ADGRA3: variants seen among roughly 807,000 people sequenced by gnomAD.
The protein encoded by ADGRA3 is G-protein coupled receptor 125.
Under a neutral mutation model 119.8 loss-of-function variants are expected in ADGRA3, and 56 were observed. The observed-to-expected ratio is 0.47, with a 90% CI of 0.38 to 0.58. The LOEUF is 0.58. Ranked by LOEUF, ADGRA3 falls within the 20% of genes least tolerant of loss-of-function variation. The pLI, the probability that ADGRA3 is intolerant of heterozygous loss-of-function variation, is 0.00. For synonymous variants in ADGRA3, 607 were observed against 623.8 expected (o/e 0.97, Z 0.40); for missense variants, 1,516 against 1,649.0 (o/e 0.92, Z 1.40).
chr4:22,446,155 G>A (rs1560321387), intron 5 of ADGRA3, among the ~76,000 whole-genome samples: 2 of 151,940 alleles, frequency 1.3e-5, no homozygotes, highest in Admixed American at 1.3e-4. Flanking sequence ...CAGTAGTTTT[G>A]GCAAAAAAGA....
At chr4:22,413,936 T>C (rs558400735) in intron 12 of ADGRA3, 122 bp from the exon 13 acceptor site, 55 of 621,788 alleles carry the variant, frequency 8.8e-5, no homozygotes, top group African/African-American at 6.9e-4. Context: ...AAATTGGATA[T>C]ACAAAATTTA....
chr4:22,490,464 T>G (rs907264454), intron 1 of ADGRA3, among the ~76,000 whole-genome samples: 6 of 152,210 alleles, frequency 3.9e-5, no homozygotes, highest in Non-Finnish European at 7.3e-5. Flanking sequence ...TCTGAGTCTC[T>G]GATTTTTTTT....
At chr4:22,472,230 T>C (rs1480961780) in intron 2 of ADGRA3, among the ~76,000 whole-genome samples, 1 of 152,176 alleles carries the variant, frequency 6.6e-6, no homozygotes, top group African/African-American at 2.4e-5. Context: ...CCCAGTAACT[T>C]TTCTTTGCAG....
chr4:22,498,523 G>A (rs1443684336), intron 1 of ADGRA3, among the ~76,000 whole-genome samples: 1 of 151,826 alleles, frequency 6.6e-6, no homozygotes, highest in East Asian at 1.9e-4. Context: ...GAAGCTGAGG[G>A]AGAAGAATCA....
chr4:22,451,978 T>C (rs887736231), intron 4 of ADGRA3, among the ~76,000 whole-genome samples: 3 of 152,208 alleles, frequency 2.0e-5, no homozygotes, highest in Admixed American at 6.5e-5. Context: ...AACTGGCATA[T>C]GGCCTGGCTC....
intron 2 of ADGRA3, among the ~76,000 whole-genome samples, chr4:22,463,721 A>G (rs1218208070): frequency 1.3e-5 from 2 of 152,246 alleles, no homozygotes; most frequent in African/African-American, 4.8e-5. Flanking sequence ...AAGTTACAAC[A>G]TCAAAGTTGG....
intron 2 of ADGRA3, among the ~76,000 whole-genome samples, chr4:22,472,105 C>A (rs149897443): frequency 6.6e-6 from 1 of 152,170 alleles, no homozygotes; most frequent in East Asian, 1.9e-4. Flanking sequence ...TTATAAACTA[C>A]GAGTGCCTGC....
intron 3 of ADGRA3, among the ~76,000 whole-genome samples, chr4:22,461,466 A>G (rs577577717): frequency 2.0e-5 from 3 of 152,066 alleles, no homozygotes; most frequent in South Asian, 2.1e-4. Flanking sequence ...ATGCCAGCTC[A>G]TTTTCGTATT....
intron 1 of ADGRA3, among the ~76,000 whole-genome samples, chr4:22,474,518 T>C (rs1717969022): frequency 6.6e-6 from 1 of 152,218 alleles, no homozygotes; most frequent in Non-Finnish European, 1.5e-5. Context: ...GACTTCATAT[T>C]ATCTGGCACT....
intron 5 of ADGRA3, among the ~76,000 whole-genome samples, chr4:22,446,697 AAG>A (rs1375446128): frequency 2.0e-5 from 3 of 152,116 alleles, no homozygotes; most frequent in East Asian, 3.9e-4. Flanking sequence ...GAGTACAGGG[AAG>A]AGAGGAATCA....
intron 10 of ADGRA3, among the ~76,000 whole-genome samples, chr4:22,434,062 A>C (rs1716295073): frequency 6.6e-6 from 1 of 151,550 alleles, no homozygotes; most frequent in Non-Finnish European, 1.5e-5. Flanking sequence ...TAAAGTGCCT[A>C]ATGCACTAGG....
chr4:22,421,881 CAAAAAAAAAAAAA>C (rs754845592), intron 11 of ADGRA3, among the ~76,000 whole-genome samples: 1 of 70,442 alleles, frequency 1.4e-5, no homozygotes, highest in Non-Finnish European at 2.4e-5. Flanking sequence ...ACTCAGTCTC[CAAAAAAAAAAAAA>C]AAAAAAAAAA....
In ADGRA3 at chr4:22,398,315, G is replaced by T. The variant is rs146387350; in HGVS notation, c.2481+3116C>A. On this transcript the variant is annotated intron_variant, in intron 16 of 18. Transcript: ENST00000334304. ...ACACACATTTTAAATTGGATCTCAG[G>T]TATACAATATTGGATTAATCATAAG... Among the ~76,000 whole-genome samples the T allele has an allele frequency of 2.6e-4, 39 of 152,154 alleles. No individual in the cohort carries two copies. In the South Asian group the frequency reaches 6.9e-3, roughly 27 times the overall value.
intron 1 of ADGRA3, among the ~76,000 whole-genome samples, chr4:22,502,900 A>G (rs1424642863): frequency 1.3e-5 from 2 of 151,738 alleles, no homozygotes; most frequent in Non-Finnish European, 2.9e-5. Flanking sequence ...AGGGAAAAAA[A>G]AAAAAAAAAA....
intron 1 of ADGRA3, among the ~76,000 whole-genome samples, chr4:22,476,286 A>T (rs528370937): frequency 4.1e-4 from 62 of 152,254 alleles, no homozygotes; most frequent in African/African-American, 1.5e-3. Context: ...TAGCTATCCC[A>T]AACAGTATCC....
chr4:22,499,519 T>C (rs1440592972), intron 1 of ADGRA3, among the ~76,000 whole-genome samples: 1 of 152,206 alleles, frequency 6.6e-6, no homozygotes, highest in Non-Finnish European at 1.5e-5. Context: ...AGTTCCCTGC[T>C]CACCTAGTAA....
At chr4:22,460,254 G>A (rs1717394702) in intron 3 of ADGRA3, among the ~76,000 whole-genome samples, 1 of 152,188 alleles carries the variant, frequency 6.6e-6, no homozygotes, top group Non-Finnish European at 1.5e-5. Flanking sequence ...ACTAACGACT[G>A]AAGGGTAGCA....
At chr4:22,427,765 A>C (rs915684226) in intron 10 of ADGRA3, among the ~76,000 whole-genome samples, 2 of 152,214 alleles carry the variant, frequency 1.3e-5, no homozygotes, top group Non-Finnish European at 2.9e-5. Context: ...CACAAAGCTC[A>C]TTTAAAAACT....
intron 16 of ADGRA3, among the ~76,000 whole-genome samples, chr4:22,395,768 T>C (rs956170083): frequency 6.6e-6 from 1 of 152,220 alleles, no homozygotes; most frequent in East Asian, 1.9e-4. Flanking sequence ...TTGTCTATGA[T>C]TCAGTTTATA....
Sources: allele counts gnomAD v4.1 joint callset (sites outside exome capture counted in the v4.1 genomes callset), GRCh38; gene constraint gnomAD v4.1.1; transcripts MANE v1.5; gene names NCBI Gene and HGNC (gene_info 2026-07-23, HGNC 2026-07-21).